Variants in RABGAP1L observed in about 807,000 individuals in gnomAD.
RABGAP1L encodes RAB GTPase activating protein 1 like.
Under a neutral mutation model 137.7 loss-of-function variants are expected in RABGAP1L, and 63 were observed. The observed-to-expected ratio is 0.46, with a 90% CI of 0.37 to 0.56. The LOEUF (loss-of-function observed/expected upper bound fraction) is 0.56. Among genes scored for constraint, RABGAP1L ranks in the 20% least tolerant of loss-of-function variants. The pLI is 0.00. For synonymous variants in RABGAP1L, 431 were observed against 433.7 expected, an observed-to-expected ratio of 0.99 and a Z score of 0.08; for missense variants, 1,095 against 1,244.0, an observed-to-expected ratio of 0.88 and a Z score of 1.80.
chr1:174,781,713 G>C (rs918794847), intron 18 of RABGAP1L, among the ~76,000 whole-genome samples: 1 of 152,174 alleles, frequency 6.6e-6, no homozygotes, highest in African/African-American at 2.4e-5. Context: ...TAATATTTAA[G>C]TCTTTAATCC....
intron 18 of RABGAP1L, among the ~76,000 whole-genome samples, chr1:174,774,724 AC>A (rs1420575103): frequency 6.6e-6 from 1 of 152,046 alleles, no homozygotes; most frequent in Non-Finnish European, 1.5e-5. Flanking sequence ...TCCAAAAAAT[AC>A]AAAAATTAGC....
At chr1:174,652,472 T>C (rs1476918656) in intron 14 of RABGAP1L, among the ~76,000 whole-genome samples, 1 of 152,230 alleles carries the variant, frequency 6.6e-6, no homozygotes, top group African/African-American at 2.4e-5. Context: ...TGGTAACCTT[T>C]GGATGGCGTT....
chr1:174,213,624 T>C (rs1558036669), intron 1 of RABGAP1L, among the ~76,000 whole-genome samples: 2 of 152,162 alleles, frequency 1.3e-5, no homozygotes, highest in African/African-American at 2.4e-5. Context: ...AAAGATCAAA[T>C]TGATCACAAT....
At chr1:174,619,305 C>T (rs1672216994) in intron 13 of RABGAP1L, among the ~76,000 whole-genome samples, 1 of 152,174 alleles carries the variant, frequency 6.6e-6, no homozygotes, top group South Asian at 2.1e-4. Context: ...AAAGATACTC[C>T]TCGAGAAGAG....
intron 19 of RABGAP1L, among the ~76,000 whole-genome samples, chr1:174,880,688 C>T (rs1325793945): frequency 1.3e-5 from 2 of 151,896 alleles, no homozygotes; most frequent in Non-Finnish European, 2.9e-5. Flanking sequence ...GTCCTGGGCT[C>T]AAGCAGTCTT....
chr1:174,448,962 A>T lies in RABGAP1L; in HGVS notation c.1710+54817A>T. 6.2e-7 allele frequency: 1 copy of T among 1,613,880 alleles called. No individual in the cohort carries two copies. The highest frequency in any genetic ancestry group is 8.5e-7 in the Non-Finnish European group (1 of 1,179,808). ...ATGCTGTGGCTCCCCTATATAATTT[A>T]CTTTCTTCTAGAAAGCTCCCGGGTC... On this transcript the variant is annotated intron_variant, in intron 13 of 25. Coordinates refer to ENST00000681986, the MANE Select transcript of RABGAP1L (RefSeq NM_001366446.1). The surrounding 1 kb of genome is among the most constrained non-coding windows in gnomAD (Gnocchi z 4.2).
intron 19 of RABGAP1L, among the ~76,000 whole-genome samples, chr1:174,845,335 C>T (rs1431593533): frequency 8.4e-6 from 1 of 119,160 alleles, no homozygotes; most frequent in African/African-American, 2.9e-5. Flanking sequence ...CAGTTTTTGC[C>T]CATTCAGTAT....
intron 13 of RABGAP1L, among the ~76,000 whole-genome samples, chr1:174,487,600 G>T (rs1659798324): frequency 6.6e-6 from 1 of 151,960 alleles, no homozygotes; most frequent in Non-Finnish European, 1.5e-5. Flanking sequence ...TCTTTTTATT[G>T]TAGAGTTTAG....
intron 17 of RABGAP1L, among the ~76,000 whole-genome samples, chr1:174,720,710 A>G (rs961896605): frequency 6.6e-6 from 1 of 152,146 alleles, no homozygotes. Context: ...CCCTACCTCT[A>G]TGGCAAATCC....
intron 17 of RABGAP1L, among the ~76,000 whole-genome samples, chr1:174,745,352 C>G (rs976043808): frequency 1.3e-5 from 2 of 152,206 alleles, no homozygotes; most frequent in Non-Finnish European, 2.9e-5. Context: ...GGCATCACTT[C>G]CACCATATTC....
At chr1:174,372,373 A>G (rs1014910063) in intron 12 of RABGAP1L, among the ~76,000 whole-genome samples, 20 of 152,086 alleles carry the variant, frequency 1.3e-4, no homozygotes, top group Non-Finnish European at 2.4e-4. Flanking sequence ...GCATAGTTAC[A>G]GCAGTTTGGT....
At chr1:174,987,356 G>T (rs1239443831) in intron 24 of RABGAP1L, among the ~76,000 whole-genome samples, 11 of 152,152 alleles carry the variant, frequency 7.2e-5, no homozygotes, top group African/African-American at 2.2e-4. Context: ...TACTAGAGAC[G>T]GGGTTTCACC....
At position 174,475,772 on chromosome 1, in the gene RABGAP1L, T is replaced by TTAA. The variant is rs1405213953; in HGVS notation, c.1710+81627_1710+81628insTAA. On this transcript the variant is annotated intron_variant, in intron 13 of 25. Coordinates refer to ENST00000681986, the MANE Select transcript of RABGAP1L (RefSeq NM_001366446.1). Reference sequence around the variant, plus strand: ...AGTGACAGACTGAGACCCCGTGTCTTAAAAAAAAAAAAAAAAAAAAAAAAA... The same window carrying TTAA: ...AGTGACAGACTGAGACCCCGTGTCTTTAAAAAAAAAAAAAAAAAAAAAAAAAAA... 4.3e-5 allele frequency among the ~76,000 whole-genome samples: 3 copies of TTAA among 69,930 alleles called. 1 individual carries two copies. Among genetic ancestry groups the TTAA allele is most frequent in the African/African-American group, 1.2e-4 (2 of 17,350 alleles). The allele number at this position is 69,930 out of a possible 152,430, so 45.9% of individuals were successfully genotyped here. A position where few individuals can be genotyped will look rare whatever the true frequency, so the allele number is the denominator to read the frequency against.
intron 19 of RABGAP1L, among the ~76,000 whole-genome samples, chr1:174,833,442 G>A (rs1306912487): frequency 2.2e-4 from 5 of 23,152 alleles, no homozygotes; most frequent in East Asian, 2.6e-3. Context: ...ATGTGTGTGT[G>A]TGTAGAGATA....
chr1:174,625,635 A>G (rs1672891710), intron 13 of RABGAP1L, among the ~76,000 whole-genome samples: 1 of 152,196 alleles, frequency 6.6e-6, no homozygotes, highest in South Asian at 2.1e-4. Flanking sequence ...TTATGAAAAC[A>G]TAATTGAGCT....
intron 12 of RABGAP1L, among the ~76,000 whole-genome samples, chr1:174,376,702 A>T (rs1685576594): frequency 6.6e-6 from 1 of 152,212 alleles, no homozygotes; most frequent in Non-Finnish European, 1.5e-5. Context: ...TAGGAATACA[A>T]GGGACCTTTC....
At position 174,588,953 on chromosome 1, in the gene RABGAP1L, T is replaced by G. The variant is rs141699978; in HGVS notation, c.1711-48422T>G. 1.7e-3 allele frequency among the ~76,000 whole-genome samples: 257 copies of G among 152,304 alleles called. 3 individuals carry two copies. The East Asian group carries it at 0.046, about 27-fold the overall frequency. ...TTCAACATAGTGACCTCCATTCTTT[T>G]GTGAATATACCTAGCAGTGGGATTG... On this transcript the variant is annotated intron_variant, in intron 13 of 25. Coordinates refer to ENST00000681986, the MANE Select transcript of RABGAP1L (RefSeq NM_001366446.1).
chr1:174,454,473 C>G (rs746311314), intron 13 of RABGAP1L, among the ~76,000 whole-genome samples: 1 of 150,702 alleles, frequency 6.6e-6, no homozygotes, highest in Non-Finnish European at 1.5e-5. Flanking sequence ...AGTAGATGTT[C>G]TTGACTTATT....
chr1:174,400,814 G>A (rs1648487203), intron 13 of RABGAP1L, among the ~76,000 whole-genome samples: 1 of 152,052 alleles, frequency 6.6e-6, no homozygotes, highest in Non-Finnish European at 1.5e-5. Context: ...GTCAATGATT[G>A]GCCTGCCATG....
Sources: allele counts gnomAD v4.1 joint callset (sites outside exome capture counted in the v4.1 genomes callset), GRCh38; gene constraint gnomAD v4.1.1; non-coding constraint Gnocchi (gnomAD v3.1); transcripts MANE v1.5; gene names NCBI Gene and HGNC (gene_info 2026-07-23, HGNC 2026-07-21).